The following PLG variants were observed in gnomAD, a reference collection of about 807,000 sequenced individuals.
PLG encodes the protein plasmin.
PLG carries 41 observed loss-of-function variants against 104.4 expected under a neutral mutation model. The observed-to-expected ratio is 0.39, with a 90% CI of 0.31 to 0.51. PLG has a LOEUF of 0.51. PLG is among the 20% of genes least tolerant of loss of function. The pLI is 0.76. For missense variants in PLG, 891 were observed against 1,003.6 expected (o/e 0.89, Z 1.52); for synonymous variants, 337 against 357.1 (o/e 0.94, Z 0.63).
Position 160,716,696 on chromosome 6 carries a change from G to A in PLG, c.720G>A (p.Glu240=), listed in dbSNP as rs142604256. The change falls in exon 7 of 19, where the codon GAG becomes GAA. Residue 240 remains glutamate, a synonymous_variant. Transcript: ENST00000308192. ...KKNYCRNPDR[E]LRPWCFTTDP... ...ATTACTGTCGTAACCCCGATAGGGA[G>A]CTGCGGCCTTGGTGTTTCACCACCG... is the stretch of plus-strand genomic sequence containing the variant. 2.5e-6 allele frequency: 4 copies of A among 1,613,730 alleles called. No homozygotes were observed. The highest frequency in any genetic ancestry group is 3.4e-6 in the Non-Finnish European group (4 of 1,179,704).
Position 160,732,010 on chromosome 6 carries a change from G to A in PLG, c.1587+117G>A, listed in dbSNP as rs1300848732. ...TGCTCTTTTTTGTAATGGGGGAGAG[G>A]GGACAGAAGAAAATATTGGAAAGGC... On this transcript the variant is annotated intron_variant, in intron 12 of 18. Transcript: ENST00000308192. This position sits in a 1 kb window ranked among gnomAD's most constrained non-coding sequence, Gnocchi z 4.5. The A allele has an allele frequency of 1.9e-6, 2 of 1,052,876 alleles. No homozygotes were observed. Among genetic ancestry groups the A allele is most frequent in the East Asian group, 4.7e-5 (2 of 42,136 alleles). The allele number at this position is 1,052,876 out of a possible 1,614,324, so 65.2% of individuals were successfully genotyped here. A position where few individuals can be genotyped will look rare whatever the true frequency, so the allele number is the denominator to read the frequency against.
intron 1 of PLG, among the ~76,000 whole-genome samples, chr6:160,704,728 TC>T: frequency 6.6e-6 from 1 of 152,140 alleles, no homozygotes; most frequent in South Asian, 2.1e-4. Context: ...GCCCGGAATG[TC>T]TTAAATTGAG....
chr6:160,737,114 C>G lies in PLG; in HGVS notation c.1802+107C>G. The G allele has an allele frequency of 7.0e-7, 1 of 1,420,326 alleles. No individual in the cohort carries two copies. The highest frequency in any genetic ancestry group is 1.3e-5 in the South Asian group (1 of 78,814). 88.0% of individuals were successfully genotyped at this position (1,420,326 alleles called of 1,614,324 possible). A position where few individuals can be genotyped will look rare whatever the true frequency, so the allele number is the denominator to read the frequency against. ...ACAGCTGAGGCATCAGCACCTGCCT[C>G]TAAGTTTTCTGAAGGAGGAAAAAAG... On this transcript the variant is annotated intron_variant, in intron 14 of 18. Transcript: ENST00000308192. This position sits in a 1 kb window ranked among gnomAD's most constrained non-coding sequence, Gnocchi z 4.7.
At position 160,702,371 on chromosome 6, in the gene PLG, T is replaced by A. The variant is rs566392051; in HGVS notation, c.49+18T>A. 9 of 1,549,732 alleles carry A rather than the reference T, an allele frequency of 5.8e-6. No homozygotes were observed. Among genetic ancestry groups the A allele is most frequent in the South Asian group, 4.6e-5 (4 of 86,704 alleles). On this transcript the variant is annotated intron_variant, in intron 1 of 18. Coordinates refer to ENST00000308192, the MANE Select transcript of PLG (RefSeq NM_000301.5). The stretch of plus-strand genomic sequence containing the variant: ...GAAATCAGGTAAGACATAGTTTTTT[T>A]AAATTATAAGAATTATTTTTTCTCC...
At position 160,711,148 on chromosome 6, in the gene PLG, A is replaced by G. The variant is rs982507401; in HGVS notation, c.364A>G (p.Ile122Val). Residue 122 changes from isoleucine to valine, a missense_variant, in exon 4 of 19, where the codon ATC becomes GTC. This residue lies in a region of PLG where 854 missense variants were observed against 932.1 expected (regional missense o/e 0.92). Transcript: ENST00000308192. ...RGTMSKTKNG[I>V]TCQKWSSTSP... ...GACGATGTCCAAAACAAAAAATGGC[A>G]TCACCTGTCAAAAATGGAGTTCCAC... 3 of 1,612,294 alleles carry G rather than the reference A, an allele frequency of 1.9e-6. No homozygotes were observed. Among genetic ancestry groups the G allele is most frequent in the African/African-American group, 2.7e-5 (2 of 74,868 alleles).
At chr6:160,722,835 C>T (rs1461710587) in intron 10 of PLG, among the ~76,000 whole-genome samples, 2 of 152,102 alleles carry the variant, frequency 1.3e-5, no homozygotes, top group African/African-American at 4.8e-5. Context: ...CTCAGGAGTA[C>T]ATATGAGCAA....
intron 12 of PLG, 60 bp from the exon 13 acceptor site, chr6:160,733,935 A>G (rs1219951911): frequency 1.2e-6 from 1 of 848,924 alleles, no homozygotes; most frequent in Non-Finnish European, 2.1e-6. Context: ...TGAGCCTTGG[A>G]ACACCTTCTC....
At position 160,726,401 on chromosome 6, in the gene PLG, T is replaced by A. The variant is rs888694644; in HGVS notation, c.1256+3834T>A. Among the ~76,000 whole-genome samples, 1 of 152,054 alleles carries A rather than the reference T, an allele frequency of 6.6e-6. No individual in the cohort carries two copies. Reference sequence around the variant, plus strand: ...ACTGAATAATAGTAAAAATACAACATATCAAAGTTCGTATGATGCAGCGAA... The same window carrying A: ...ACTGAATAATAGTAAAAATACAACAAATCAAAGTTCGTATGATGCAGCGAA... On this transcript the variant is annotated intron_variant, in intron 10 of 18. Transcript: ENST00000308192. The surrounding 1 kb of genome is among the most constrained non-coding windows in gnomAD (Gnocchi z 4.4).
chr6:160,729,903 G>C (rs1777972769), intron 10 of PLG, among the ~76,000 whole-genome samples: 1 of 152,202 alleles, frequency 6.6e-6, no homozygotes, highest in African/African-American at 2.4e-5. Context: ...CAACTGAAGA[G>C]AGTGGAAATC....
Position 160,744,876 on chromosome 6 carries a change from AG to A in PLG, c.2125+3460del, listed in dbSNP as rs1193155188. On this transcript the variant is annotated intron_variant, in intron 17 of 18. Transcript: ENST00000308192. The surrounding 1 kb of genome is among the most constrained non-coding windows in gnomAD (Gnocchi z 4.5). ...TGTATCTTTATTCTCATTAGTTCAA[AG>A]AACTTCCTGATTTCTGCCATAATTT... Among the ~76,000 whole-genome samples the A allele has an allele frequency of 6.6e-6, 1 of 152,232 alleles. No individual in the cohort carries two copies. The highest frequency in any genetic ancestry group is 1.5e-5 in the Non-Finnish European group (1 of 68,036).
At chr6:160,713,760 G>C (rs1215975289) in intron 5 of PLG, among the ~76,000 whole-genome samples, 1 of 152,068 alleles carries the variant, frequency 6.6e-6, no homozygotes, top group Non-Finnish European at 1.5e-5. Context: ...ATTTAATGTG[G>C]TAGACTTTGC....
chr6:160,715,523 C>A (rs1201496942), intron 6 of PLG, among the ~76,000 whole-genome samples: 1 of 152,202 alleles, frequency 6.6e-6, no homozygotes, highest in Admixed American at 6.5e-5. Flanking sequence ...TCTAGAAAGT[C>A]ATGATGGTTC....
Position 160,752,028 on chromosome 6 carries a change from A to C in PLG, c.2126-87A>C. The C allele has an allele frequency of 8.8e-7, 1 of 1,136,528 alleles. No homozygotes were observed. Among genetic ancestry groups the C allele is most frequent in the Non-Finnish European group, 1.3e-6 (1 of 752,474 alleles). The allele number at this position is 1,136,528 out of a possible 1,614,324, so 70.4% of individuals were successfully genotyped here. A position where few individuals can be genotyped will look rare whatever the true frequency, so the allele number is the denominator to read the frequency against. On this transcript the variant is annotated intron_variant, in intron 17 of 18. Coordinates refer to ENST00000308192, the MANE Select transcript of PLG (RefSeq NM_000301.5). This position sits in a 1 kb window ranked among gnomAD's most constrained non-coding sequence, Gnocchi z 4.7. Reference sequence around the variant, plus strand: ...CGTGTTCTGCAGCCTCACAGACAGGAGGTCCAGTGCCGCTGCTCTGTTCTG... The same window carrying C: ...CGTGTTCTGCAGCCTCACAGACAGGCGGTCCAGTGCCGCTGCTCTGTTCTG...
intron 10 of PLG, 92 bp downstream of exon 10, chr6:160,722,659 G>A (rs1203556892): frequency 1.1e-5 from 13 of 1,170,144 alleles, no homozygotes; most frequent in Middle Eastern, 2.8e-4. Context: ...CAACTTCCTA[G>A]GACCAAATTT....
Position 160,731,947 on chromosome 6 carries a change from C to G in PLG, c.1587+54C>G. On this transcript the variant is annotated intron_variant, in intron 12 of 18. Coordinates refer to ENST00000308192, the MANE Select transcript of PLG (RefSeq NM_000301.5). The surrounding 1 kb of genome is among the most constrained non-coding windows in gnomAD (Gnocchi z 5.1). ...CCTTTTGCTCACCAATCTTTGCAAA[C>G]AGAATTGGTTCTGTGTTACAGAAAA... 1 of 1,572,244 alleles carries G rather than the reference C, an allele frequency of 6.4e-7. No homozygotes were observed. Among genetic ancestry groups the G allele is most frequent in the African/African-American group, 1.3e-5 (1 of 74,228 alleles).
rs1462522007 is a variant in PLG, at chr6:160,723,557, G to A, written c.1256+990G>A. On this transcript the variant is annotated intron_variant, in intron 10 of 18. Coordinates refer to ENST00000308192, the MANE Select transcript of PLG (RefSeq NM_000301.5). This position sits in a 1 kb window ranked among gnomAD's most constrained non-coding sequence, Gnocchi z 4.7. ...GAACTGAGGAAGGAGACTGGAGTTG[G>A]GATTACTAAAACAGCTGAGATTTTC... Among the ~76,000 whole-genome samples, 3 of 152,002 alleles carry A rather than the reference G, an allele frequency of 2.0e-5. No individual in the cohort carries two copies. The highest frequency in any genetic ancestry group is 4.4e-5 in the Non-Finnish European group (3 of 68,022).
rs34053173 is a variant in PLG at position 160,703,268 on chromosome 6, TA to T, written c.49+927del. On this transcript the variant is annotated intron_variant, in intron 1 of 18. Coordinates refer to ENST00000308192, the MANE Select transcript of PLG (RefSeq NM_000301.5). The stretch of plus-strand genomic sequence containing the variant: ...ACATGTCCTAGTACTTCTTTTTCTT[TA>T]AAAAAAAAAAAGCTTTATTGAGATA... Among the ~76,000 whole-genome samples the T allele has an allele frequency of 1.7e-3, 245 of 146,900 alleles. 1 individual carries two copies. Among genetic ancestry groups the T allele is most frequent in the Middle Eastern group, 7.0e-3 (2 of 286 alleles).
intron 10 of PLG, among the ~76,000 whole-genome samples, chr6:160,730,474 A>G (rs1161925064): frequency 2.6e-5 from 4 of 152,234 alleles, no homozygotes; most frequent in African/African-American, 7.2e-5. Flanking sequence ...TATTGACAGT[A>G]ACACTATTTT....
intron 9 of PLG, among the ~76,000 whole-genome samples, chr6:160,720,054 G>A (rs1777803046): frequency 6.6e-6 from 1 of 152,152 alleles, no homozygotes; most frequent in African/African-American, 2.4e-5. Context: ...GTCTGCTACT[G>A]CTGAAGTCTT....
Sources: allele counts gnomAD v4.1 joint callset (sites outside exome capture counted in the v4.1 genomes callset), GRCh38; gene constraint gnomAD v4.1.1; regional missense constraint gnomAD v4.1.1; non-coding constraint Gnocchi (gnomAD v3.1); transcripts MANE v1.5; gene names NCBI Gene and HGNC (gene_info 2026-07-23, HGNC 2026-07-21).